The following SYNJ2BP variants were observed in gnomAD, a reference collection of about 807,000 sequenced individuals.
The protein encoded by SYNJ2BP is synaptojanin-2-binding protein.
SYNJ2BP carries 10 observed loss-of-function variants against 16.9 expected under a neutral mutation model. That is an observed-to-expected ratio of 0.59 (90% CI 0.36 to 1.00). The LOEUF is 1.00. Ranked by LOEUF, SYNJ2BP falls within the 50% of genes least tolerant of loss-of-function variation. SYNJ2BP has a pLI of 0.01. For missense variants in SYNJ2BP, 162 were observed against 186.7 expected (o/e 0.87, Z 0.77); for synonymous variants, 54 against 68.4 (o/e 0.79, Z 1.04).
chr14:70,400,216 C>A (rs897290775), intron 1 of SYNJ2BP, among the ~76,000 whole-genome samples: 5 of 152,154 alleles, frequency 3.3e-5, no homozygotes, highest in Non-Finnish European at 5.9e-5. Flanking sequence ...TCTGTGAATG[C>A]CAAAATATCC....
At chr14:70,389,684 A>G (rs1314350869) in intron 1 of SYNJ2BP, among the ~76,000 whole-genome samples, 4 of 152,194 alleles carry the variant, frequency 2.6e-5, no homozygotes, top group African/African-American at 9.7e-5. Flanking sequence ...ATTTCCTTTG[A>G]ACGTCATGTT....
chr14:70,416,925 C>T lies in SYNJ2BP; in HGVS notation c.39G>A (p.Glu13=). 1 of 1,614,164 alleles carries T rather than the reference C, an allele frequency of 6.2e-7. No homozygotes were observed. The highest frequency in any genetic ancestry group is 1.3e-5 in the African/African-American group (1 of 75,020). The change falls in exon 1 of 4, where the codon GAG becomes GAA. Residue 13 remains glutamate (E), a synonymous_variant. Coordinates refer to ENST00000256366, the MANE Select transcript of SYNJ2BP (RefSeq NM_018373.3). ...GRVDYLVTEE[E]INLTRGPSGL... The stretch of plus-strand genomic sequence containing the variant: ...CTGAGGGCCCTCTGGTAAGATTGAT[C>T]TCTTCCTCAGTGACCAAATAATCCA...
chr14:70,372,676 T>C lies in SYNJ2BP; in HGVS notation c.*315A>G, dbSNP rs774397758. ...ATGGCATGCCAGCTAAGAAAAAAGG[T>C]ATTGCCTATGGTGACAGGAAGACTC... On this transcript the variant is annotated 3_prime_UTR_variant, in exon 4 of 4. Transcript: ENST00000256366. 77 of 218,246 alleles carry C rather than the reference T, an allele frequency of 3.5e-4. No individual in the cohort carries two copies. The highest frequency in any genetic ancestry group is 8.9e-5 in the Non-Finnish European group (10 of 111,776). 13.5% of individuals were successfully genotyped at this position (218,246 alleles called of 1,614,324 possible). A position where few individuals can be genotyped will look rare whatever the true frequency, so the allele number is the denominator to read the frequency against.
chr14:70,378,101 AT>A (rs33942861), intron 2 of SYNJ2BP, among the ~76,000 whole-genome samples: 132,543 of 152,208 alleles, frequency 0.87, 57,772 homozygotes, highest in East Asian at 0.93. Flanking sequence ...AACACTTAGC[AT>A]TCTTTGTTCT....
chr14:70,375,445 C>G (rs1594940903), intron 3 of SYNJ2BP, among the ~76,000 whole-genome samples: 3 of 152,226 alleles, frequency 2.0e-5, no homozygotes, highest in Admixed American at 2.0e-4. Flanking sequence ...AGTGATCCGC[C>G]CACCTTGGCC....
intron 3 of SYNJ2BP, 116 bp from the exon 4 acceptor site, chr14:70,373,247 C>T (rs1418064645): frequency 7.5e-7 from 1 of 1,327,566 alleles, no homozygotes; most frequent in Non-Finnish European, 1.0e-6. Context: ...ACTGTAACCC[C>T]CAGCAATACC....
rs532527803 is a variant in SYNJ2BP, at chr14:70,371,907, G to C, written c.*1084C>G. ...TGGGGTGTTTGGCTCCAGCACTATA[G>C]CCCTTACCACAATCATTCCACCTGG... On this transcript the variant is annotated 3_prime_UTR_variant, in exon 4 of 4. Coordinates refer to ENST00000256366, the MANE Select transcript of SYNJ2BP (RefSeq NM_018373.3). 1 of 152,284 alleles carries C rather than the reference G, an allele frequency of 6.6e-6. No individual in the cohort carries two copies. Among genetic ancestry groups the C allele is most frequent in the East Asian group, 1.9e-4 (1 of 5,186 alleles). 9.4% of individuals were successfully genotyped at this position (152,284 alleles called of 1,614,324 possible).
chr14:70,408,922 C>T (rs1291963734), intron 1 of SYNJ2BP, among the ~76,000 whole-genome samples: 1 of 152,048 alleles, frequency 6.6e-6, no homozygotes, highest in Non-Finnish European at 1.5e-5. Context: ...CAACCTTCAC[C>T]TCCTAGGTTC....
intron 2 of SYNJ2BP, among the ~76,000 whole-genome samples, chr14:70,380,922 C>T (rs972673303): frequency 2.0e-5 from 3 of 152,142 alleles, no homozygotes; most frequent in African/African-American, 7.2e-5. Flanking sequence ...CTCTGCCTGA[C>T]ACCACTTTGC....
chr14:70,378,458 T>A (rs1179930243), intron 2 of SYNJ2BP, among the ~76,000 whole-genome samples: 1 of 147,366 alleles, frequency 6.8e-6, no homozygotes, highest in African/African-American at 2.5e-5. Context: ...AGACAGAGTC[T>A]TGCTCTGTCC....
intron 1 of SYNJ2BP, among the ~76,000 whole-genome samples, chr14:70,411,463 G>A (rs940677396): frequency 5.3e-5 from 8 of 152,194 alleles, no homozygotes; most frequent in African/African-American, 1.9e-4. Context: ...GAAAGATTAA[G>A]TTTCCATACT....
At chr14:70,400,489 T>A (rs943229530) in intron 1 of SYNJ2BP, among the ~76,000 whole-genome samples, 11 of 152,220 alleles carry the variant, frequency 7.2e-5, no homozygotes, top group African/African-American at 2.7e-4. Context: ...GAAACCCTTG[T>A]GGTTTTATTC....
chr14:70,406,300 T>C (rs577591510), intron 1 of SYNJ2BP, among the ~76,000 whole-genome samples: 97 of 152,248 alleles, frequency 6.4e-4, no homozygotes, highest in African/African-American at 2.2e-3. Flanking sequence ...ACTGAGAAAA[T>C]TATGATGGTG....
At position 70,367,122 on chromosome 14, in the gene SYNJ2BP, A is replaced by G. The variant is rs953674495; in HGVS notation, c.*5869T>C. On this transcript the variant is annotated 3_prime_UTR_variant, in exon 4 of 4. Transcript: ENST00000256366. ...TCTCCCCCTGCAAGAACAAAGGCAA[A>G]ATGAACAGTGAGGAAAACCTGGAAA... 1.3e-5 allele frequency: 2 copies of G among 152,182 alleles called. No homozygotes were observed. The highest frequency in any genetic ancestry group is 4.8e-5 in the African/African-American group (2 of 41,434). 9.4% of individuals were successfully genotyped at this position (152,182 alleles called of 1,614,324 possible).
intron 1 of SYNJ2BP, among the ~76,000 whole-genome samples, chr14:70,398,681 A>G (rs2140855564): frequency 6.6e-6 from 1 of 152,146 alleles, no homozygotes; most frequent in East Asian, 1.9e-4. Context: ...CCTGAGGGTG[A>G]AGAGTGCAGA....
intron 2 of SYNJ2BP, among the ~76,000 whole-genome samples, chr14:70,378,814 A>G (rs1033344517): frequency 1.3e-5 from 2 of 152,248 alleles, no homozygotes; most frequent in South Asian, 2.1e-4. Flanking sequence ...GTCATGCAAT[A>G]AACTGCTTTT....
chr14:70,380,671 A>AG, intron 2 of SYNJ2BP, among the ~76,000 whole-genome samples: 1 of 151,770 alleles, frequency 6.6e-6, no homozygotes, highest in Non-Finnish European at 1.5e-5. Flanking sequence ...CAAAAAAAAA[A>AG]AAAAGTTAGA....
At chr14:70,401,732 G>T (rs1020576986) in intron 1 of SYNJ2BP, among the ~76,000 whole-genome samples, 2 of 151,672 alleles carry the variant, frequency 1.3e-5, no homozygotes, top group African/African-American at 2.4e-5. Flanking sequence ...AGCCTCAATC[G>T]CCCAGGCTCA....
chr14:70,405,358 A>G (rs923538453), intron 1 of SYNJ2BP, among the ~76,000 whole-genome samples: 1 of 152,112 alleles, frequency 6.6e-6, no homozygotes, highest in African/African-American at 2.4e-5. Flanking sequence ...GAAGTATAGG[A>G]CAAAACTGAA....
Sources: gnomAD v4.1 joint callset for allele counts (sites outside exome capture counted in the v4.1 genomes callset) on GRCh38, gnomAD v4.1.1 for gene constraint, MANE v1.5 for transcripts, NCBI Gene and HGNC (gene_info 2026-07-23, HGNC 2026-07-21) for gene names.